Variants in THSD7B observed in about 807,000 individuals in gnomAD.
THSD7B encodes the protein thrombospondin type 1 domain containing 7B.
A neutral mutation model predicts 213.6 loss-of-function variants in THSD7B; 138 were observed. The observed-to-expected ratio is 0.65, with a 90% CI of 0.56 to 0.74. THSD7B has a LOEUF of 0.74. THSD7B is among the 30% of genes least tolerant of loss of function. The pLI is 0.00. For synonymous variants in THSD7B, 742 were observed against 687.0 expected (o/e 1.08, Z -1.25); for missense variants, 1,931 against 1,991.5 (o/e 0.97, Z 0.58).
At chr2:137,094,727 C>A (rs375053242) in intron 3 of THSD7B, 146 bp from the exon 4 acceptor site, 1 of 946,594 alleles carries the variant, frequency 1.1e-6, no homozygotes, top group Non-Finnish European at 1.6e-6. Context: ...AATATTTTTT[C>A]ATGATGTCTC....
intron 12 of THSD7B, among the ~76,000 whole-genome samples, chr2:137,312,893 C>G (rs1573953874): frequency 6.6e-6 from 1 of 151,024 alleles, no homozygotes; most frequent in Non-Finnish European, 1.5e-5. Context: ...AATTTCTGTT[C>G]TTTTACATTT....
intron 2 of THSD7B, among the ~76,000 whole-genome samples, chr2:137,000,240 A>G (rs1202495032): frequency 6.6e-6 from 1 of 152,116 alleles, no homozygotes; most frequent in Non-Finnish European, 1.5e-5. Context: ...TTTTTCCCCT[A>G]GGTTGAGGAA....
At chr2:136,908,490 T>C (rs1204069704) in intron 2 of THSD7B, among the ~76,000 whole-genome samples, 2 of 152,198 alleles carry the variant, frequency 1.3e-5, no homozygotes, top group Non-Finnish European at 2.9e-5. Flanking sequence ...GCTTTGCAAA[T>C]TGGGACACTG....
intron 2 of THSD7B, among the ~76,000 whole-genome samples, chr2:136,943,801 T>C (rs190600227): frequency 7.2e-5 from 11 of 152,338 alleles, no homozygotes; most frequent in African/African-American, 2.6e-4. Context: ...GCTAGCGGTC[T>C]GTCAATTTCA....
chr2:137,520,881 G>A (rs1018891471), intron 15 of THSD7B, among the ~76,000 whole-genome samples: 18 of 152,038 alleles, frequency 1.2e-4, no homozygotes, highest in African/African-American at 3.6e-4. Flanking sequence ...ATCATGATTC[G>A]TGCTTAAAAA....
chr2:136,790,533 A>G (rs995074149), intron 1 of THSD7B, among the ~76,000 whole-genome samples: 2 of 152,076 alleles, frequency 1.3e-5, no homozygotes, highest in African/African-American at 4.8e-5. Context: ...TTCTGTAGGT[A>G]ATAGAGCTTT....
intron 16 of THSD7B, among the ~76,000 whole-genome samples, chr2:137,564,463 C>T (rs1681190960): frequency 6.6e-6 from 1 of 152,162 alleles, no homozygotes; most frequent in Admixed American, 6.5e-5. Context: ...GTACATTGCC[C>T]TTTCTTCTGG....
chr2:137,400,859 G>GGAA (rs897947251), intron 12 of THSD7B, among the ~76,000 whole-genome samples: 4 of 151,914 alleles, frequency 2.6e-5, no homozygotes, highest in African/African-American at 9.7e-5. Context: ...CTGGAGCAGG[G>GGAA]GAAGAAGGTA....
chr2:137,036,614 CT>C (rs1454706691), intron 2 of THSD7B, among the ~76,000 whole-genome samples: 4 of 152,176 alleles, frequency 2.6e-5, no homozygotes, highest in African/African-American at 9.7e-5. Flanking sequence ...ACCTCTATTA[CT>C]GTACAGTGCC....
chr2:137,151,429 C>T (rs931236595), intron 5 of THSD7B, among the ~76,000 whole-genome samples: 3 of 151,990 alleles, frequency 2.0e-5, no homozygotes, highest in Admixed American at 1.3e-4. Flanking sequence ...TCCACCTCCA[C>T]ATCTTGTCCC....
At chr2:137,404,781 C>T (rs1182746769) in intron 12 of THSD7B, among the ~76,000 whole-genome samples, 1 of 151,760 alleles carries the variant, frequency 6.6e-6, no homozygotes, top group African/African-American at 2.4e-5. Flanking sequence ...CATATGCTCT[C>T]ACTGATATGT....
intron 2 of THSD7B, among the ~76,000 whole-genome samples, chr2:136,995,275 G>A (rs1178945097): frequency 6.6e-6 from 1 of 152,134 alleles, no homozygotes; most frequent in African/African-American, 2.4e-5. Context: ...GGGAAAGCTG[G>A]GATGGTGTGG....
chr2:136,923,745 T>C (rs2105037841), intron 2 of THSD7B, among the ~76,000 whole-genome samples: 1 of 152,340 alleles, frequency 6.6e-6, no homozygotes, highest in Non-Finnish European at 1.5e-5. Flanking sequence ...TGGCTATTCA[T>C]ATGTCTCTTT....
At chr2:137,360,623 T>C (rs368885416) in intron 12 of THSD7B, among the ~76,000 whole-genome samples, 40 of 152,222 alleles carry the variant, frequency 2.6e-4, no homozygotes, top group African/African-American at 8.9e-4. Context: ...TAGTCCAAGA[T>C]TGAACTGCTG....
intron 1 of THSD7B, among the ~76,000 whole-genome samples, chr2:136,857,575 G>A (rs1196260736): frequency 6.6e-6 from 1 of 152,060 alleles, no homozygotes; most frequent in East Asian, 1.9e-4. Context: ...TGTAAAATTT[G>A]CTAATTTATA....
At chr2:137,238,191 A>C (rs562012148) in intron 9 of THSD7B, among the ~76,000 whole-genome samples, 1 of 152,054 alleles carries the variant, frequency 6.6e-6, no homozygotes, top group Non-Finnish European at 1.5e-5. Flanking sequence ...GATATTAGCA[A>C]CTCTCTATAG....
chr2:137,084,652 C>A (rs1687805033), intron 3 of THSD7B, among the ~76,000 whole-genome samples: 1 of 152,106 alleles, frequency 6.6e-6, no homozygotes, highest in Non-Finnish European at 1.5e-5. Context: ...TATCTCTTTC[C>A]TTTTTAAGGG....
intron 15 of THSD7B, among the ~76,000 whole-genome samples, chr2:137,487,003 G>A (rs1266978567): frequency 6.6e-6 from 1 of 151,500 alleles, no homozygotes; most frequent in African/African-American, 2.4e-5. Flanking sequence ...AGTGTGTAGA[G>A]GGAAATTTAT....
chr2:136,909,090 C>G (rs1684217580), intron 2 of THSD7B, among the ~76,000 whole-genome samples: 1 of 151,934 alleles, frequency 6.6e-6, no homozygotes, highest in Admixed American at 6.6e-5. Context: ...GGCTAAGGTA[C>G]AAGAATCACT....
Sources: gnomAD v4.1 joint callset for allele counts (sites outside exome capture counted in the v4.1 genomes callset) on GRCh38, gnomAD v4.1.1 for gene constraint, MANE v1.5 for transcripts, NCBI Gene and HGNC (gene_info 2026-07-23, HGNC 2026-07-21) for gene names.